Variants in PALLD observed in about 807,000 individuals in gnomAD.
PALLD encodes the protein palladin, cytoskeletal associated protein.
A neutral mutation model predicts 123.5 loss-of-function variants in PALLD; 61 were observed. The observed-to-expected ratio is 0.49, with a 90% CI of 0.40 to 0.61. The LOEUF is 0.61. Among genes scored for constraint, PALLD ranks in the 20% least tolerant of loss-of-function variants. PALLD has a pLI of 0.00. For missense variants in PALLD, 1,273 were observed against 1,377.0 expected, an observed-to-expected ratio of 0.92 and a Z score of 1.20; for synonymous variants, 465 against 496.4, an observed-to-expected ratio of 0.94 and a Z score of 0.84.
At chr4:168,804,206 C>G (rs1395915286) in intron 10 of PALLD, among the ~76,000 whole-genome samples, 6 of 152,098 alleles carry the variant, frequency 3.9e-5, no homozygotes, top group African/African-American at 1.4e-4. Flanking sequence ...CTGTGTAGAG[C>G]GAACTAGAAA....
chr4:168,811,911 A>G (rs1440944307), intron 10 of PALLD, among the ~76,000 whole-genome samples: 1 of 152,116 alleles, frequency 6.6e-6, no homozygotes, highest in African/African-American at 2.4e-5. Context: ...AACCATATCA[A>G]AATATTGGGT....
intron 2 of PALLD, among the ~76,000 whole-genome samples, chr4:168,645,753 G>A (rs891713902): frequency 3.3e-5 from 5 of 152,242 alleles, no homozygotes; most frequent in African/African-American, 1.2e-4. Flanking sequence ...GCTTATTAAA[G>A]GAGCTGTGCA....
intron 2 of PALLD, among the ~76,000 whole-genome samples, chr4:168,580,585 T>C (rs1035523829): frequency 3.9e-5 from 6 of 151,972 alleles, no homozygotes; most frequent in Non-Finnish European, 2.9e-5. Flanking sequence ...AAGAACTAAC[T>C]ACAGAACTAT....
chr4:168,907,607 G>C (rs971705515), intron 15 of PALLD, among the ~76,000 whole-genome samples: 1 of 152,186 alleles, frequency 6.6e-6, no homozygotes, highest in Non-Finnish European at 1.5e-5. Flanking sequence ...TCAGGGCCAA[G>C]AGAAGCCCCA....
intron 10 of PALLD, among the ~76,000 whole-genome samples, chr4:168,734,040 A>G (rs1398565501): frequency 6.6e-6 from 1 of 152,190 alleles, no homozygotes; most frequent in African/African-American, 2.4e-5. Flanking sequence ...CCGGCCACAG[A>G]AATGTTTTAA....
intron 10 of PALLD, among the ~76,000 whole-genome samples, chr4:168,790,489 C>A (rs1737361788): frequency 6.6e-6 from 1 of 151,928 alleles, no homozygotes; most frequent in Admixed American, 6.6e-5. Flanking sequence ...AGAATTTAAA[C>A]CATCTGGAAT....
chr4:168,675,134 G>A (rs1780699813), intron 3 of PALLD, among the ~76,000 whole-genome samples: 1 of 152,186 alleles, frequency 6.6e-6, no homozygotes, highest in Non-Finnish European at 1.5e-5. Context: ...GAATTACACA[G>A]ACTGTCAAAT....
In PALLD at chr4:168,711,912, C is replaced by T; in HGVS notation, c.1953C>T (p.Ala651=). 1 of 1,612,504 alleles carries T rather than the reference C, an allele frequency of 6.2e-7. No individual in the cohort carries two copies. Among genetic ancestry groups the T allele is most frequent in the Non-Finnish European group, 8.5e-7 (1 of 1,178,550 alleles). The change falls in exon 10 of 22, where the codon GCC becomes GCT. Residue 651 remains alanine (A), a synonymous_variant. Transcript: ENST00000505667. ...CTAAGGAGCCACCACCTCTGCTTGC[C>T]AAACCAAAACTGTGAGTATTTCTGC... ...SPTKEPPPLL[A]KPKLGFPKKA... is the part of the protein sequence containing the mutation.
In PALLD at chr4:168,539,501, T is replaced by C. The variant is rs1252081313; in HGVS notation, c.908+27089T>C. On this transcript the variant is annotated intron_variant, in intron 2 of 21. Transcript: ENST00000505667. ...TACTCAGGAGGCTGAGGCAGGAGAA[T>C]CGCTTGAACCCGGGAGGCGGAGGTT... Among the ~76,000 whole-genome samples, 3 of 151,892 alleles carry C rather than the reference T, an allele frequency of 2.0e-5. No homozygotes were observed. In the East Asian group the frequency reaches 5.8e-4, roughly 29 times the overall value.
At chr4:168,805,519 T>A (rs1740058714) in intron 10 of PALLD, among the ~76,000 whole-genome samples, 1 of 152,192 alleles carries the variant, frequency 6.6e-6, no homozygotes, top group South Asian at 2.1e-4. Context: ...TCCTCTGGGG[T>A]TAAGTTCAAA....
At chr4:168,741,687 A>G (rs1788360253) in intron 10 of PALLD, among the ~76,000 whole-genome samples, 1 of 152,136 alleles carries the variant, frequency 6.6e-6, no homozygotes, top group African/African-American at 2.4e-5. Context: ...CTATCTCAAA[A>G]ACAAAAAACA....
intron 10 of PALLD, among the ~76,000 whole-genome samples, chr4:168,808,170 T>C (rs540187604): frequency 1.3e-5 from 2 of 150,562 alleles, no homozygotes; most frequent in African/African-American, 2.4e-5. Context: ...TAAGGGAAAA[T>C]ATATTAATAT....
intron 1 of PALLD, among the ~76,000 whole-genome samples, chr4:168,503,217 A>G (rs1403135677): frequency 1.3e-5 from 2 of 152,274 alleles, no homozygotes; most frequent in Non-Finnish European, 2.9e-5. Flanking sequence ...GTAATTTAAT[A>G]TGATGACTGC....
At position 168,899,917 on chromosome 4, in the gene PALLD, C is replaced by CA. The variant is rs1172762037; in HGVS notation, c.2472+1217dup. ...GGGCAACAACAGTGAGACTCCGTCT[C>CA]AAAAAAAAAAAAAAGAAAAGAAAAT... On this transcript the variant is annotated intron_variant, in intron 14 of 21. Coordinates refer to ENST00000505667, the MANE Select transcript of PALLD (RefSeq NM_001166108.2). 4.3e-3 allele frequency among the ~76,000 whole-genome samples: 465 copies of CA among 108,800 alleles called. 1 individual carries two copies. The highest frequency in any genetic ancestry group is 0.01 in the East Asian group (41 of 3,954). The allele number at this position is 108,800 out of a possible 152,430, so 71.4% of individuals were successfully genotyped here.
chr4:168,525,215 T>C (rs1007815107), intron 2 of PALLD, among the ~76,000 whole-genome samples: 8 of 152,206 alleles, frequency 5.3e-5, no homozygotes, highest in African/African-American at 1.9e-4. Flanking sequence ...ACTTCTGATA[T>C]ACCTTTTCTA....
intron 10 of PALLD, among the ~76,000 whole-genome samples, chr4:168,729,047 A>C (rs1018916873): frequency 6.6e-6 from 1 of 152,262 alleles, no homozygotes; most frequent in Non-Finnish European, 1.5e-5. Context: ...CAACTAATTT[A>C]GTAAGCGACC....
intron 10 of PALLD, among the ~76,000 whole-genome samples, chr4:168,771,211 G>A (rs940348229): frequency 5.9e-5 from 9 of 152,052 alleles, no homozygotes; most frequent in African/African-American, 1.9e-4. Context: ...GCATGAATTT[G>A]TATGAATCCT....
intron 10 of PALLD, among the ~76,000 whole-genome samples, chr4:168,834,622 A>G (rs1298593318): frequency 2.6e-5 from 4 of 152,116 alleles, no homozygotes; most frequent in Non-Finnish European, 5.9e-5. Context: ...CTATAACCCC[A>G]GCTACTCAGG....
At chr4:168,883,490 G>A (rs1023583716) in intron 10 of PALLD, among the ~76,000 whole-genome samples, 1 of 152,152 alleles carries the variant, frequency 6.6e-6, no homozygotes, top group Non-Finnish European at 1.5e-5. Flanking sequence ...GTTGATTCTG[G>A]TACCTTATCT....
Sources: gnomAD v4.1 joint callset for allele counts (sites outside exome capture counted in the v4.1 genomes callset) on GRCh38, gnomAD v4.1.1 for gene constraint, MANE v1.5 for transcripts, NCBI Gene and HGNC (gene_info 2026-07-23, HGNC 2026-07-21) for gene names.